RANBP2: variants seen among roughly 807,000 people sequenced by gnomAD.
RANBP2 encodes the protein E3 SUMO-protein ligase RanBP2.
Under a neutral mutation model 303.6 loss-of-function variants are expected in RANBP2, and 57 were observed. The ratio of observed to expected loss-of-function variants is 0.19; its 90% CI spans 0.15 to 0.23. The LOEUF is 0.23. Ranked by LOEUF, RANBP2 falls within the 10% of genes least tolerant of loss-of-function variation. The pLI is 1.00. For missense variants in RANBP2, 3,138 were observed against 3,780.8 expected (o/e 0.83, Z 4.46); for synonymous variants, 1,167 against 1,301.5 (o/e 0.90, Z 2.23).
the RANBP2 span, among the ~76,000 whole-genome samples, chr2:108,994,815 TA>T: frequency 6.9e-3 from 690 of 100,136 alleles, 7 homozygotes; most frequent in Middle Eastern, 0.013. Context: ...TATATATATA[TA>T]TATATATATA....
the RANBP2 span, among the ~76,000 whole-genome samples, chr2:109,048,387 G>A: frequency 2.0e-5 from 3 of 152,120 alleles, no homozygotes; most frequent in Non-Finnish European, 2.9e-5. Flanking sequence ...ATGCTATCCT[G>A]GAAAATTAGC....
chr2:108,852,536 TGTG>T, the RANBP2 span, among the ~76,000 whole-genome samples: 1 of 152,100 alleles, frequency 6.6e-6, no homozygotes, highest in Admixed American at 6.6e-5. Flanking sequence ...ATAAAGAAAA[TGTG>T]GTACATATAC....
At chr2:109,590,084 A>G in the RANBP2 span, among the ~76,000 whole-genome samples, 3 of 148,998 alleles carry the variant, frequency 2.0e-5, no homozygotes, top group Non-Finnish European at 4.4e-5. Flanking sequence ...ATATATATGT[A>G]TATATATACA....
intron 18 of RANBP2, among the ~76,000 whole-genome samples, chr2:108,758,864 T>G (rs1676519708): frequency 1.3e-5 from 2 of 151,840 alleles, no homozygotes; most frequent in Admixed American, 6.6e-5. Flanking sequence ...TAAGAAATGC[T>G]TAATTAAGAA....
the RANBP2 span, among the ~76,000 whole-genome samples, chr2:108,918,255 T>C: frequency 2.0e-5 from 3 of 152,238 alleles, no homozygotes; most frequent in Non-Finnish European, 4.4e-5. Context: ...CCCCTGCACC[T>C]GCACCCAAGT....
the RANBP2 span, among the ~76,000 whole-genome samples, chr2:109,632,536 G>A: frequency 1.3e-5 from 2 of 152,322 alleles, no homozygotes; most frequent in South Asian, 4.1e-4. Flanking sequence ...ATGTCCAGCC[G>A]GGCGCAGTGG....
chr2:109,150,270 T>G, the RANBP2 span, among the ~76,000 whole-genome samples: 1 of 151,368 alleles, frequency 6.6e-6, no homozygotes, highest in Non-Finnish European at 1.5e-5. Flanking sequence ...AAGCCTAGGG[T>G]CCTGAGGAGC....
chr2:108,827,520 A>C, the RANBP2 span, among the ~76,000 whole-genome samples: 1 of 152,214 alleles, frequency 6.6e-6, no homozygotes, highest in Admixed American at 6.5e-5. Flanking sequence ...TAAATGTAAC[A>C]ATAAAAATGA....
chr2:108,884,444 A>G, the RANBP2 span: 1 of 152,216 alleles, frequency 6.6e-6, no homozygotes, highest in Admixed American at 6.5e-5. Context: ...AGAAAAGGAA[A>G]CCTCTGAGAC....
At chr2:108,728,226 T>G (rs933536397) in intron 1 of RANBP2, among the ~76,000 whole-genome samples, 1 of 152,204 alleles carries the variant, frequency 6.6e-6, no homozygotes, top group Non-Finnish European at 1.5e-5. Flanking sequence ...GTTTCCAAGA[T>G]TTCCAAGGCT....
the RANBP2 span, among the ~76,000 whole-genome samples, chr2:109,159,030 T>C: frequency 1.3e-5 from 2 of 152,156 alleles, no homozygotes; most frequent in African/African-American, 4.8e-5. Context: ...GGCAGGAGAA[T>C]TGGTTGAACC....
chr2:109,249,874 C>T, the RANBP2 span, among the ~76,000 whole-genome samples: 64 of 150,884 alleles, frequency 4.2e-4, 1 homozygote, highest in East Asian at 0.011. Flanking sequence ...TTAGTAGAGA[C>T]GGGGTTTCAC....
the RANBP2 span, among the ~76,000 whole-genome samples, chr2:109,575,643 A>G: frequency 6.6e-6 from 1 of 152,230 alleles, no homozygotes; most frequent in Non-Finnish European, 1.5e-5. Context: ...CTGCCTTTGC[A>G]ATTCACTTTT....
At chr2:109,104,319 C>G in the RANBP2 span, among the ~76,000 whole-genome samples, 1 of 152,096 alleles carries the variant, frequency 6.6e-6, no homozygotes, top group South Asian at 2.1e-4. Flanking sequence ...TGCTGGTCAT[C>G]TGTATGTATG....
At chr2:108,823,996 TG>T in the RANBP2 span, among the ~76,000 whole-genome samples, 8,992 of 146,084 alleles carry the variant, frequency 0.062, 314 homozygotes, top group South Asian at 0.15. Flanking sequence ...AAGGGAGGGG[TG>T]GGGGGTACAC....
chr2:109,526,036 C>G, the RANBP2 span, among the ~76,000 whole-genome samples: 1 of 152,166 alleles, frequency 6.6e-6, no homozygotes, highest in African/African-American at 2.4e-5. Flanking sequence ...TCCCGAGCAC[C>G]AGAGCCACCA....
chr2:109,398,635 C>T, the RANBP2 span: 4 of 1,597,016 alleles, frequency 2.5e-6, no homozygotes, highest in South Asian at 4.5e-5. Context: ...CAAGCCATGC[C>T]CAGCCGCTGC....
At chr2:109,289,668 T>C in the RANBP2 span, among the ~76,000 whole-genome samples, 1 of 152,208 alleles carries the variant, frequency 6.6e-6, no homozygotes, top group East Asian at 1.9e-4. Flanking sequence ...GGCTCTCTGG[T>C]GTTGGCAGGC....
the RANBP2 span, among the ~76,000 whole-genome samples, chr2:109,168,066 A>C: frequency 6.6e-6 from 1 of 152,200 alleles, no homozygotes; most frequent in East Asian, 1.9e-4. Flanking sequence ...TCATTTACTA[A>C]AATGAAATCA....
Sources: allele counts gnomAD v4.1 joint callset (sites outside exome capture counted in the v4.1 genomes callset), GRCh38; gene constraint gnomAD v4.1.1; transcripts MANE v1.5; gene names NCBI Gene and HGNC (gene_info 2026-07-23, HGNC 2026-07-21).